KDM3A: variants seen among roughly 807,000 people sequenced by gnomAD.
KDM3A encodes the protein lysine demethylase 3A.
KDM3A carries 60 observed loss-of-function variants against 158.0 expected under a neutral mutation model. That is an observed-to-expected ratio of 0.38 (90% CI 0.31 to 0.47). The LOEUF is 0.47. KDM3A is among the 20% of genes least tolerant of loss of function. KDM3A has a pLI of 0.99. For missense variants in KDM3A, 1,319 were observed against 1,574.3 expected (o/e 0.84, Z 2.74); for synonymous variants, 608 against 549.3 (o/e 1.11, Z -1.49).
intron 2 of KDM3A, 29 bp from the exon 3 acceptor site, chr2:86,449,778 T>TC: frequency 6.4e-7 from 1 of 1,574,760 alleles, no homozygotes; most frequent in Non-Finnish European, 8.6e-7. Context: ...TGAATCTGCT[T>TC]CCCCCACCCC....
intron 4 of KDM3A, among the ~76,000 whole-genome samples, chr2:86,451,579 TAG>T (rs1389924136): frequency 4.6e-5 from 7 of 152,218 alleles, no homozygotes; most frequent in African/African-American, 1.7e-4. Context: ...TCATGTTGAG[TAG>T]ACTTTCGGTC....
intron 11 of KDM3A, among the ~76,000 whole-genome samples, chr2:86,472,991 G>A (rs960923538): frequency 1.4e-4 from 21 of 151,992 alleles, no homozygotes; most frequent in Non-Finnish European, 2.8e-4. Context: ...AGTCCTTGTC[G>A]TATTGGCCCA....
chr2:86,458,810 G>T (rs1672811007), intron 8 of KDM3A, among the ~76,000 whole-genome samples: 1 of 152,030 alleles, frequency 6.6e-6, no homozygotes, highest in African/African-American at 2.4e-5. Context: ...ATGAAGAGGG[G>T]GTGTCTGGGG....
upstream of KDM3A, chr2:86,441,140 CT>C (rs894313634): frequency 2.0e-5 from 3 of 152,422 alleles, no homozygotes; most frequent in Non-Finnish European, 4.4e-5. Flanking sequence ...TCTCTGTGTA[CT>C]TTAACCTAAT....
In KDM3A at chr2:86,451,176, G is replaced by A; in HGVS notation, c.416G>A (p.Arg139Lys). 6.2e-7 allele frequency: 1 copy of A among 1,611,452 alleles called. No individual in the cohort carries two copies. Among genetic ancestry groups the A allele is most frequent in the South Asian group, 1.1e-5 (1 of 90,528 alleles). The change falls in exon 4 of 26, where the codon AGA (arginine) becomes AAA (lysine). Residue 139 changes from arginine to lysine, a missense_variant. Physicochemically the swap from Arg to Lys is conservative, Grantham distance 26. Transcript: ENST00000312912. The part of the protein sequence containing the change: ...TSVRFLGDQQ[R>K]VFLSKDLLKP... ...GTTCGCTTTCTGGGAGATCAACAAA[G>A]AGTATTTCTTTCTAAAGACCTTTTG...
chr2:86,449,760 T>A, intron 2 of KDM3A, 47 bp from the exon 3 acceptor site: 3 of 1,555,010 alleles, frequency 1.9e-6, no homozygotes, highest in Non-Finnish European at 2.6e-6. Flanking sequence ...ATGCTTATTT[T>A]AATAAATTGA....
intron 8 of KDM3A, among the ~76,000 whole-genome samples, chr2:86,461,194 A>G (rs1672913470): frequency 6.6e-6 from 1 of 152,024 alleles, no homozygotes; most frequent in South Asian, 2.1e-4. Context: ...AAAATCCAGT[A>G]CTCTTCATCA....
upstream of KDM3A, chr2:86,440,716 A>T (rs1261467402): frequency 6.6e-6 from 1 of 152,258 alleles, no homozygotes; most frequent in Non-Finnish European, 1.5e-5. Context: ...TTCCACGATC[A>T]GTACCACGTG....
intron 15 of KDM3A, 103 bp downstream of exon 15, chr2:86,478,838 G>C: frequency 9.2e-7 from 1 of 1,082,002 alleles, no homozygotes; most frequent in Non-Finnish European, 1.4e-6. Context: ...AGGAACCTGG[G>C]GATAGCTATC....
chr2:86,473,990 T>C (rs1018382016), intron 11 of KDM3A, among the ~76,000 whole-genome samples: 4 of 152,234 alleles, frequency 2.6e-5, no homozygotes, highest in African/African-American at 9.6e-5. Flanking sequence ...TGGTCATTGC[T>C]TCAGTGACTA....
At chr2:86,451,395 A>G (rs1276108604) in intron 4 of KDM3A, among the ~76,000 whole-genome samples, 182 bp downstream of exon 4, 1 of 152,350 alleles carries the variant, frequency 6.6e-6, no homozygotes, top group East Asian at 1.9e-4. Context: ...ACTGTTGACC[A>G]TAAGCCTTAT....
chr2:86,451,149 C>G lies in KDM3A; in HGVS notation c.389C>G (p.Ser130Cys), dbSNP rs750579969. 11 of 1,612,178 alleles carry G rather than the reference C, an allele frequency of 6.8e-6. No homozygotes were observed. Among genetic ancestry groups the G allele is most frequent in the Non-Finnish European group, 8.5e-6 (10 of 1,179,444 alleles). ...AAAGCTGGTTTGGGATCCATAACTT[C>G]TGTTCGCTTTCTGGGAGATCAACAA... ...LDKAGLGSIT[S>C]VRFLGDQQRV... The change falls in exon 4 of 26, where the codon TCT becomes TGT. Residue 130 changes from serine to cysteine, a missense_variant. Coordinates refer to ENST00000312912, the MANE Select transcript of KDM3A (RefSeq NM_018433.6).
chr2:86,456,519 A>G lies in KDM3A; in HGVS notation c.634A>G (p.Ile212Val), dbSNP rs2030259. The G allele has an allele frequency of 0.76, 1,220,444 of 1,606,618 alleles. 467,664 individuals carry two copies. The highest frequency in any genetic ancestry group is 0.96 in the East Asian group (42,663 of 44,648). The change falls in exon 6 of 26, where the codon ATA (isoleucine) becomes GTA (valine). Residue 212 changes from isoleucine (I) to valine (V), a missense_variant. By Grantham distance (29) the Ile-to-Val change is conservative (BLOSUM62 3). Transcript: ENST00000312912. The stretch of plus-strand genomic sequence containing the variant: ...TACTCAGTGGTTTTCAGCAACCGTT[A>G]TAAATGGAAACCCAGCATCAAAAAC... Reference protein sequence around the residue: ...PSTQWFSATVINGNPASKTLQ... With the variant: ...PSTQWFSATVVNGNPASKTLQ...
Position 86,480,239 on chromosome 2 carries a change from G to C in KDM3A, c.2389G>C (p.Ala797Pro). Residue 797 changes from alanine (A) to proline (P), a missense_variant, in exon 16 of 26, where the codon GCT becomes CCT. This residue lies in a region of KDM3A where 368 missense variants were observed against 415.8 expected (regional missense o/e 0.89). Coordinates refer to ENST00000312912, the MANE Select transcript of KDM3A (RefSeq NM_018433.6). ...GAATCCCTCAGTGTTGGAGCCAGCA[G>C]CTGTGGGTGGGGAAGCAGCCTCCAA... Reference protein sequence around the residue: ...QQNPSVLEPAAVGGEAASKPA... With the variant: ...QQNPSVLEPAPVGGEAASKPA... 6.2e-7 allele frequency: 1 copy of C among 1,613,806 alleles called. No individual in the cohort carries two copies. Among genetic ancestry groups the C allele is most frequent in the Non-Finnish European group, 8.5e-7 (1 of 1,180,026 alleles).
chr2:86,475,634 C>T (rs1202413516), intron 12 of KDM3A, among the ~76,000 whole-genome samples: 7 of 152,164 alleles, frequency 4.6e-5, no homozygotes, highest in Admixed American at 4.6e-4. Flanking sequence ...GACGGTGCAG[C>T]GTCTTCCTAT....
chr2:86,453,399 AC>A (rs748136470), intron 4 of KDM3A, among the ~76,000 whole-genome samples: 1 of 152,184 alleles, frequency 6.6e-6, no homozygotes, highest in Non-Finnish European at 1.5e-5. Flanking sequence ...TAGATAATGC[AC>A]AGAGCACCTG....
rs186059218 is a variant in KDM3A at position 86,469,156 on chromosome 2, G to A, written c.1520-1048G>A. On this transcript the variant is annotated intron_variant, in intron 10 of 25. Transcript: ENST00000312912. ...AGCATCATGTAGAAATTTACATGTG[G>A]TCTAGTCCTGCTTTAAAAGAGAGGT... 1.9e-3 allele frequency among the ~76,000 whole-genome samples: 285 copies of A among 152,254 alleles called. 4 individuals are homozygous for A. The highest frequency in any genetic ancestry group is 9.1e-3 in the East Asian group (47 of 5,170).
intron 16 of KDM3A, among the ~76,000 whole-genome samples, chr2:86,480,838 T>G (rs1469774661): frequency 6.6e-6 from 1 of 152,170 alleles, no homozygotes; most frequent in Non-Finnish European, 1.5e-5. Flanking sequence ...ATACATACCT[T>G]AGAAAGAGGA....
intron 19 of KDM3A, 150 bp downstream of exon 19, chr2:86,484,308 A>G (rs2241803): frequency 0.45 from 288,078 of 633,270 alleles, 70,680 homozygotes; most frequent in East Asian, 0.71. Context: ...TCCTTGTTAC[A>G]ATGTTTATGC....
Sources: gnomAD v4.1 joint callset for allele counts (sites outside exome capture counted in the v4.1 genomes callset) on GRCh38, gnomAD v4.1.1 for gene constraint, gnomAD v4.1.1 regional missense constraint, MANE v1.5 for transcripts, NCBI Gene and HGNC (gene_info 2026-07-23, HGNC 2026-07-21) for gene names.